Variants in C10orf105 observed in about 807,000 individuals in gnomAD.
C10orf105 encodes uncharacterized protein C10orf105.
Under a neutral mutation model 0.6 loss-of-function variants are expected in C10orf105, and 2 were observed. That is an observed-to-expected ratio of 3.18 (90% CI 1.30 to 10.01). The LOEUF (loss-of-function observed/expected upper bound fraction) is 10.01. Ranked by LOEUF, C10orf105 falls within the 30% of genes most tolerant of loss-of-function variation. C10orf105 has a pLI of 0.04. For synonymous variants in C10orf105, 95 were observed against 82.4 expected, an observed-to-expected ratio of 1.15 and a Z score of -0.83; for missense variants, 209 against 191.4, an observed-to-expected ratio of 1.09 and a Z score of -0.54.
intron 1 of C10orf105, chr10:71,730,600 C>A: frequency 6.2e-7 from 1 of 1,613,856 alleles, no homozygotes; most frequent in Non-Finnish European, 8.5e-7. Context: ...CAGACCGAGA[C>A]TCTGGTGAGG....
rs781471210 is a variant in C10orf105, at chr10:71,716,339, G to T, written c.-2C>A. 8 of 1,469,012 alleles carry T rather than the reference G, an allele frequency of 5.4e-6. No homozygotes were observed. Among genetic ancestry groups the T allele is most frequent in the Non-Finnish European group, 7.2e-6 (8 of 1,105,668 alleles). 91.0% of individuals were successfully genotyped at this position (1,469,012 alleles called of 1,614,324 possible). A position where few individuals can be genotyped will look rare whatever the true frequency, so the allele number is the denominator to read the frequency against. ...GAGGCTGGGGCCCTCTGTGCTCATG[G>T]CTCCTGCAACAGCAACAAGACAGAA... On this transcript the variant is annotated 5_prime_UTR_variant, in exon 2 of 2. Coordinates refer to ENST00000441508, the MANE Select transcript of C10orf105 (RefSeq NM_001164375.3).
In C10orf105 at chr10:71,713,383, C is replaced by T. The variant is rs866663634; in HGVS notation, c.*2553G>A. On this transcript the variant is annotated 3_prime_UTR_variant, in exon 2 of 2. Transcript: ENST00000441508. ...CTCAGTTGCTGGGTGGGGAGGGAGG[C>T]CCGGAGTGAATGAGTCTCTTTACCA... The T allele has an allele frequency of 1.4e-6, 1 of 716,472 alleles. No individual in the cohort carries two copies. The allele number at this position is 716,472 out of a possible 1,614,324, so 44.4% of individuals were successfully genotyped here.
rs377685388 is a variant in C10orf105, at chr10:71,733,837, C to T, written c.-6+3891G>A. 3.3e-5 allele frequency among the ~76,000 whole-genome samples: 5 copies of T among 152,320 alleles called. No individual in the cohort carries two copies. In the East Asian group the frequency reaches 5.8e-4, roughly 18 times the overall value. On this transcript the variant is annotated intron_variant, in intron 1 of 1. Coordinates refer to the C10orf105 transcript ENST00000398786. Reference sequence around the variant, plus strand: ...GTAGGCAAGGTGTGAATCACTACAACGTGACAGGCCTTGTCCTAGAGGATA... The same window carrying T: ...GTAGGCAAGGTGTGAATCACTACAATGTGACAGGCCTTGTCCTAGAGGATA...
intron 1 of C10orf105, among the ~76,000 whole-genome samples, chr10:71,735,566 CA>C (rs1839540447): frequency 1.3e-5 from 2 of 152,186 alleles, no homozygotes; most frequent in Non-Finnish European, 2.9e-5. Flanking sequence ...ATCTAGAGAC[CA>C]CCTGGGGCAT....
Position 71,713,533 on chromosome 10 carries a change from G to A in C10orf105, c.*2403C>T, listed in dbSNP as rs1037756402. The A allele has an allele frequency of 1.4e-5, 7 of 508,102 alleles. No homozygotes were observed. Among genetic ancestry groups the A allele is most frequent in the Admixed American group, 1.1e-4 (3 of 28,128 alleles). The allele number at this position is 508,102 out of a possible 1,614,324, so 31.5% of individuals were successfully genotyped here. A position where few individuals can be genotyped will look rare whatever the true frequency, so the allele number is the denominator to read the frequency against. ...CTGGCAATGCTCCCCTCCCTGCATC[G>A]GGACCAGGAGGCGGGCAGGAAAGGG... On this transcript the variant is annotated 3_prime_UTR_variant, in exon 2 of 2. Transcript: ENST00000441508.
chr10:71,722,033 G>A (rs1476446963), upstream of C10orf105, among the ~76,000 whole-genome samples: 2 of 152,168 alleles, frequency 1.3e-5, no homozygotes, highest in Non-Finnish European at 2.9e-5. Flanking sequence ...CTGCTTTCTT[G>A]ATCTTTGCTA....
At chr10:71,730,022 G>A (rs947280778) in intron 1 of C10orf105, among the ~76,000 whole-genome samples, 1 of 151,922 alleles carries the variant, frequency 6.6e-6, no homozygotes, top group Non-Finnish European at 1.5e-5. Context: ...TTTTAGTAGA[G>A]ATGGGGTTTC....
chr10:71,724,772 G>T (rs1237525687), upstream of C10orf105, among the ~76,000 whole-genome samples: 1 of 152,184 alleles, frequency 6.6e-6, no homozygotes, highest in Non-Finnish European at 1.5e-5. Context: ...TGAACCAATC[G>T]CTATGGCCAG....
At position 71,734,281 on chromosome 10, in the gene C10orf105, C is replaced by G. The variant is rs201008425; in HGVS notation, c.-6+3447G>C. 7.4e-6 allele frequency: 12 copies of G among 1,612,480 alleles called. No individual in the cohort carries two copies. Among genetic ancestry groups the G allele is most frequent in the Non-Finnish European group, 1.0e-5 (12 of 1,179,328 alleles). On this transcript the variant is annotated intron_variant, in intron 1 of 1. Transcript: ENST00000398786. ...AGGGCCTGGTGGACCGTGAGAAGGG[C>G]GACTTCTATACCTTGACAGTGGTGG...
At chr10:71,728,793 T>C (rs977095397) in intron 1 of C10orf105, among the ~76,000 whole-genome samples, 1 of 152,252 alleles carries the variant, frequency 6.6e-6, no homozygotes, top group South Asian at 2.1e-4. Context: ...AGCTAAAAAC[T>C]CCTGGGCTCC....
rs1324465074 is a variant in C10orf105, at chr10:71,715,920, G to C, written c.*16C>G. On this transcript the variant is annotated 3_prime_UTR_variant, in exon 2 of 2. Transcript: ENST00000441508. ...TAGACCTAGGGGGATGTGGGGGCAT[G>C]TTTGTGGACACCCCATTACATCTTG... 2 of 1,449,686 alleles carry C rather than the reference G, an allele frequency of 1.4e-6. No homozygotes were observed. Among genetic ancestry groups the C allele is most frequent in the African/African-American group, 1.4e-5 (1 of 69,208 alleles). The allele number at this position is 1,449,686 out of a possible 1,614,324, so 89.8% of individuals were successfully genotyped here.
At chr10:71,720,725 C>T (rs1286602425), upstream of C10orf105, among the ~76,000 whole-genome samples, 1 of 152,212 alleles carries the variant, frequency 6.6e-6, no homozygotes. Context: ...CAAGAGATTT[C>T]CTATGGACTG....
chr10:71,731,542 A>T (rs1172934982), intron 1 of C10orf105, among the ~76,000 whole-genome samples: 1 of 152,036 alleles, frequency 6.6e-6, no homozygotes, highest in Non-Finnish European at 1.5e-5. Context: ...AGTGGGGAGG[A>T]TGGGGGAAGG....
chr10:71,730,036 G>A (rs185062511), intron 1 of C10orf105, among the ~76,000 whole-genome samples: 62 of 152,026 alleles, frequency 4.1e-4, no homozygotes, highest in African/African-American at 1.2e-3. Flanking sequence ...GGGTTTCACC[G>A]TGTTAGCCAG....
rs1866205484 is a variant in C10orf105 at position 71,715,997 on chromosome 10, G to A, written c.341C>T (p.Pro114Leu). 1 of 1,497,722 alleles carries A rather than the reference G, an allele frequency of 6.7e-7. No homozygotes were observed. The highest frequency in any genetic ancestry group is 1.3e-5 in the South Asian group (1 of 75,200). 92.8% of individuals were successfully genotyped at this position (1,497,722 alleles called of 1,614,324 possible). A position where few individuals can be genotyped will look rare whatever the true frequency, so the allele number is the denominator to read the frequency against. The change falls in exon 2 of 2, where the codon CCC (proline) becomes CTC (leucine). Residue 114 changes from proline (P) to leucine (L), a missense_variant. Pro to Leu is a moderately conservative substitution (Grantham distance 98, BLOSUM62 -3). Transcript: ENST00000441508. ...RHGRPTVPRQ[P>L]LPGPEDNRSH... The stretch of plus-strand genomic sequence containing the variant: ...GCGGTTGTCCTCGGGGCCCGGCAGG[G>A]GCTGTCGAGGGACGGTGGGCCGGCC...
chr10:71,730,537 G>A (rs545239119), intron 1 of C10orf105: 3 of 1,613,984 alleles, frequency 1.9e-6, no homozygotes, highest in East Asian at 2.2e-5. Flanking sequence ...ACAGCCGTCT[G>A]GGGCTTCGAG....
chr10:71,732,619 T>C, intron 1 of C10orf105: 1 of 1,402,940 alleles, frequency 7.1e-7, no homozygotes, highest in Non-Finnish European at 9.3e-7. Context: ...GGCAACAGAG[T>C]GAGACCTTGT....
At chr10:71,724,417 C>T (rs997782955), upstream of C10orf105, among the ~76,000 whole-genome samples, 6 of 152,206 alleles carry the variant, frequency 3.9e-5, no homozygotes, top group African/African-American at 1.4e-4. Flanking sequence ...CTCAGCCTCC[C>T]GTCCCCAGTA....
At chr10:71,730,379 G>T in intron 1 of C10orf105, 1 of 1,510,308 alleles carries the variant, frequency 6.6e-7, no homozygotes. Context: ...GGAAAGCAGT[G>T]ACCACACAAG....
Sources: allele counts gnomAD v4.1 joint callset (sites outside exome capture counted in the v4.1 genomes callset), GRCh38; gene constraint gnomAD v4.1.1; transcripts MANE v1.5; gene names NCBI Gene and HGNC (gene_info 2026-07-23, HGNC 2026-07-21).